TBC1D14: variants seen among roughly 807,000 people sequenced by gnomAD.
TBC1D14 encodes TBC1 domain family member 14.
TBC1D14 carries 26 observed loss-of-function variants against 79.0 expected under a neutral mutation model. The ratio of observed to expected loss-of-function variants is 0.33; its 90% confidence interval spans 0.24 to 0.46. TBC1D14 has a LOEUF of 0.46. Ranked by LOEUF, TBC1D14 falls within the 20% of genes least tolerant of loss-of-function variation. The pLI is 1.00. For synonymous variants in TBC1D14, 394 were observed against 349.9 expected, an observed-to-expected ratio of 1.13 and a Z score of -1.40; for missense variants, 769 against 887.6, an observed-to-expected ratio of 0.87 and a Z score of 1.70.
chr4:6,977,330 C>T (rs1158701985), intron 3 of TBC1D14, among the ~76,000 whole-genome samples: 1 of 147,348 alleles, frequency 6.8e-6, no homozygotes, highest in Non-Finnish European at 1.5e-5. Flanking sequence ...GCTGTGTTGG[C>T]CGGGCTGGTC....
intron 2 of TBC1D14, among the ~76,000 whole-genome samples, chr4:6,952,469 G>A (rs889996669): frequency 2.0e-5 from 3 of 152,228 alleles, no homozygotes; most frequent in African/African-American, 7.2e-5. Context: ...GCACAGACTA[G>A]GTGCTCAGGA....
chr4:7,024,283 G>A (rs539086437), intron 12 of TBC1D14, among the ~76,000 whole-genome samples: 6 of 152,172 alleles, frequency 3.9e-5, no homozygotes, highest in Non-Finnish European at 8.8e-5. Flanking sequence ...GGGGCTTTGT[G>A]GGCCCAGCAC....
At position 7,009,878 on chromosome 4, in the gene TBC1D14, G is replaced by GTCATGACA; in HGVS notation, c.1449_1450insCATGACAT (p.Gly484HisfsTer33). On this transcript the variant is annotated frameshift_variant and splice_region_variant, in exon 10 of 14. Coordinates refer to ENST00000409757, the MANE Select transcript of TBC1D14 (RefSeq NM_020773.3). LOFTEE classifies it high-confidence loss of function. ...TTTTTGCTGTGTTGATCCTTTTAGG[G>GTCATGACA]TGGTCCATATCATGACATGTTGCAC... 1 of 1,614,038 alleles carries GTCATGACA rather than the reference G, an allele frequency of 6.2e-7. No homozygotes were observed. The highest frequency in any genetic ancestry group is 8.5e-7 in the Non-Finnish European group (1 of 1,180,034).
At chr4:6,936,210 A>G (rs149893805) in intron 2 of TBC1D14, among the ~76,000 whole-genome samples, 3,398 of 151,996 alleles carry the variant, frequency 0.022, 83 homozygotes, top group Admixed American at 0.057. Context: ...GGTGCTGTGC[A>G]CTCTGTGGGT....
chr4:6,954,332 T>C (rs11732887), intron 2 of TBC1D14: 230,031 of 717,192 alleles, frequency 0.32, 37,828 homozygotes, highest in Admixed American at 0.38. Flanking sequence ...CTCCTGTTCA[T>C]GGACAGGTTT....
chr4:6,999,661 G>T (rs1476689732), intron 6 of TBC1D14, among the ~76,000 whole-genome samples: 2 of 152,022 alleles, frequency 1.3e-5, no homozygotes, highest in African/African-American at 4.8e-5. Context: ...CATGTTCCAG[G>T]CCCTGTGTCT....
intron 12 of TBC1D14, 124 bp from the exon 13 acceptor site, chr4:7,024,880 T>TGGCCCC (rs1560366711): frequency 2.3e-6 from 3 of 1,331,824 alleles, no homozygotes; most frequent in African/African-American, 1.5e-5. Context: ...GGCCTGGCCC[T>TGGCCCC]GGCCCCAGCT....
chr4:6,918,977 T>C (rs1723615402), intron 1 of TBC1D14, among the ~76,000 whole-genome samples: 1 of 152,134 alleles, frequency 6.6e-6, no homozygotes, highest in African/African-American at 2.4e-5. Context: ...GGGTCTGCAG[T>C]AGCCCTGCCT....
intron 2 of TBC1D14, among the ~76,000 whole-genome samples, chr4:6,924,645 A>G (rs10019900): frequency 0.55 from 83,637 of 151,944 alleles, 23,173 homozygotes; most frequent in East Asian, 0.68. Context: ...CTGCAGCCCC[A>G]TGCATTCCCA....
chr4:7,012,531 T>TTA (rs1359871112), intron 11 of TBC1D14, among the ~76,000 whole-genome samples: 1 of 152,218 alleles, frequency 6.6e-6, no homozygotes, highest in African/African-American at 2.4e-5. Context: ...AATGTGAGAA[T>TTA]AGCTGAAATG....
intron 3 of TBC1D14, among the ~76,000 whole-genome samples, chr4:6,969,410 T>G (rs974606132): frequency 6.6e-6 from 1 of 152,166 alleles, no homozygotes; most frequent in Admixed American, 6.5e-5. Flanking sequence ...ACCCTGTTTT[T>G]TTTTCTTTTT....
At chr4:6,977,700 C>T (rs1716890783) in intron 3 of TBC1D14, among the ~76,000 whole-genome samples, 2 of 118,268 alleles carry the variant, frequency 1.7e-5, no homozygotes, top group Non-Finnish European at 3.6e-5. Context: ...GGCCGCCATC[C>T]CATCTAGGAA....
intron 3 of TBC1D14, chr4:6,987,326 G>A: frequency 7.1e-7 from 1 of 1,407,352 alleles, no homozygotes; most frequent in Non-Finnish European, 9.3e-7. Flanking sequence ...CCGGCCGCGC[G>A]CCTCTAAGGC....
At chr4:6,972,988 CGTT>C (rs1335655774) in intron 3 of TBC1D14, among the ~76,000 whole-genome samples, 1 of 152,098 alleles carries the variant, frequency 6.6e-6, no homozygotes, top group African/African-American at 2.4e-5. Flanking sequence ...GGATTGACGT[CGTT>C]GTTGGAAATG....
In TBC1D14 at chr4:7,004,878, G is replaced by C. The variant is rs1720019365; in HGVS notation, c.1305G>C (p.Glu435Asp). 6.2e-7 allele frequency: 1 copy of C among 1,614,066 alleles called. No individual in the cohort carries two copies. Among genetic ancestry groups the C allele is most frequent in the African/African-American group, 1.3e-5 (1 of 74,930 alleles). ...LFDICLARAK[E>D]RWRSLSTGGS... ...ACATCTGTCTTGCCCGAGCCAAGGA[G>C]AGGTGGCGGTCCCTTAGCACAGGAG... The change falls in exon 8 of 14, where the codon GAG becomes GAC. Residue 435 changes from glutamate to aspartate, a missense_variant. By Grantham distance (45) the Glu-to-Asp change is conservative (BLOSUM62 2). Coordinates refer to ENST00000409757, the MANE Select transcript of TBC1D14 (RefSeq NM_020773.3).
chr4:7,002,652 C>G (rs1205523252), intron 7 of TBC1D14, among the ~76,000 whole-genome samples: 1 of 152,194 alleles, frequency 6.6e-6, no homozygotes, highest in Non-Finnish European at 1.5e-5. Context: ...GGGCCCTCAC[C>G]TGCTGTGCTC....
At chr4:7,009,396 G>C (rs147302764) in intron 9 of TBC1D14, among the ~76,000 whole-genome samples, 92 of 152,338 alleles carry the variant, frequency 6.0e-4, no homozygotes, top group Middle Eastern at 3.4e-3. Flanking sequence ...ACTTAGAAGA[G>C]TGTATTTCCT....
chr4:6,919,823 G>T (rs1482769076), intron 1 of TBC1D14, among the ~76,000 whole-genome samples: 1 of 152,096 alleles, frequency 6.6e-6, no homozygotes, highest in South Asian at 2.1e-4. Flanking sequence ...GTTTCACCAT[G>T]TTGGTCAGGC....
At chr4:6,938,566 C>T (rs2108967223) in intron 2 of TBC1D14, among the ~76,000 whole-genome samples, 1 of 152,322 alleles carries the variant, frequency 6.6e-6, no homozygotes, top group East Asian at 1.9e-4. Flanking sequence ...AGCTCCCCCT[C>T]CCCAGGACCA....
Sources: gnomAD v4.1 joint callset for allele counts (sites outside exome capture counted in the v4.1 genomes callset) on GRCh38, gnomAD v4.1.1 for gene constraint, MANE v1.5 for transcripts, NCBI Gene and HGNC (gene_info 2026-07-23, HGNC 2026-07-21) for gene names.